TBCD: variants seen among roughly 807,000 people sequenced by gnomAD.
TBCD encodes tubulin folding cofactor D.
A neutral mutation model predicts 169.3 loss-of-function variants in TBCD; 105 were observed. The observed-to-expected ratio is 0.62, with a 90% CI of 0.53 to 0.73. The LOEUF is 0.73. TBCD is among the 30% of genes least tolerant of loss of function. TBCD has a pLI of 0.00. For synonymous variants in TBCD, 700 were observed against 643.9 expected (o/e 1.09, Z -1.32); for missense variants, 1,444 against 1,600.1 (o/e 0.90, Z 1.66).
chr17:82,790,642 G>A (rs765334207), intron 7 of TBCD, among the ~76,000 whole-genome samples: 1 of 152,160 alleles, frequency 6.6e-6, no homozygotes, highest in Non-Finnish European at 1.5e-5. Flanking sequence ...GCACCCTGCC[G>A]CCCCCAGCAT....
rs112523834 is a variant in TBCD at position 82,846,206 on chromosome 17, C to T, written c.1319-24018C>T. Among the ~76,000 whole-genome samples the T allele has an allele frequency of 2.1e-3, 323 of 152,078 alleles. 6 individuals are homozygous for T. Among genetic ancestry groups the T allele is most frequent in the Middle Eastern group, 0.014 (4 of 294 alleles). ...TGTGCCTCCCTCCACGTGCTGCGTC[C>T]GGCATGCCACGTCCCCTCGTCCAGC... On this transcript the variant is annotated intron_variant, in intron 13 of 38. Transcript: ENST00000355528.
At chr17:82,873,451 A>C (rs1160741239) in intron 14 of TBCD, among the ~76,000 whole-genome samples, 1 of 152,134 alleles carries the variant, frequency 6.6e-6, no homozygotes, top group Non-Finnish European at 1.5e-5. Flanking sequence ...ATCCCACTGG[A>C]GGGTGACTGT....
intron 2 of TBCD, among the ~76,000 whole-genome samples, chr17:82,758,063 A>C (rs2047498756): frequency 6.6e-6 from 1 of 152,128 alleles, no homozygotes; most frequent in Non-Finnish European, 1.5e-5. Flanking sequence ...GAGTACTGCG[A>C]ATGATTTTTA....
chr17:82,774,501 C>T (rs1050738569), intron 6 of TBCD, among the ~76,000 whole-genome samples: 5 of 152,222 alleles, frequency 3.3e-5, no homozygotes. Context: ...CCCCACATTT[C>T]CCCCTTTTCT....
At chr17:82,852,546 G>A (rs2055887778) in intron 13 of TBCD, among the ~76,000 whole-genome samples, 1 of 152,172 alleles carries the variant, frequency 6.6e-6, no homozygotes, top group Admixed American at 6.5e-5. Context: ...TCGCCGTTCG[G>A]TCTGTGTCTT....
Position 82,889,575 on chromosome 17 carries a change from G to T in TBCD, c.1534-93G>T. The T allele has an allele frequency of 2.0e-6, 3 of 1,473,116 alleles. No homozygotes were observed. Among genetic ancestry groups the T allele is most frequent in the Non-Finnish European group, 2.8e-6 (3 of 1,058,558 alleles). The allele number at this position is 1,473,116 out of a possible 1,614,324, so 91.3% of individuals were successfully genotyped here. A position where few individuals can be genotyped will look rare whatever the true frequency, so the allele number is the denominator to read the frequency against. ...TTTTATTTAAAAAATAAAGCCGTGGGTCATTCACGTTGTGCTGTTTGTTCT... is the reference window on the plus strand; with the variant it reads ...TTTTATTTAAAAAATAAAGCCGTGGTTCATTCACGTTGTGCTGTTTGTTCT... On this transcript the variant is annotated intron_variant, in intron 15 of 38. Coordinates refer to ENST00000355528, the MANE Select transcript of TBCD (RefSeq NM_005993.5). The surrounding 1 kb of genome is among the most constrained non-coding windows in gnomAD (Gnocchi z 5.3).
At chr17:82,909,809 AG>A (rs1485536070) in intron 22 of TBCD, among the ~76,000 whole-genome samples, 1 of 152,198 alleles carries the variant, frequency 6.6e-6, no homozygotes, top group Non-Finnish European at 1.5e-5. Context: ...GGTCATAGGC[AG>A]GGGTGTGGCC....
intron 1 of TBCD, among the ~76,000 whole-genome samples, chr17:82,755,367 G>A (rs536250491): frequency 5.3e-5 from 8 of 152,314 alleles, no homozygotes; most frequent in Non-Finnish European, 1.0e-4. Flanking sequence ...ACCTAGAAAA[G>A]GAAGGGATTC....
chr17:82,929,235 TGC>T lies in TBCD; in HGVS notation c.2817_2818del (p.His941ProfsTer66). On this transcript the variant is annotated frameshift_variant, in exon 31 of 39. Coordinates refer to ENST00000355528, the MANE Select transcript of TBCD (RefSeq NM_005993.5). LOFTEE classifies it high-confidence loss of function. Reference sequence around the variant, plus strand: ...TTTGACAGCCCTCCCATCCCCCACGTGCCCCACCGAGGAGAACTGGAAAAGCT... The same window carrying T: ...TTTGACAGCCCTCCCATCCCCCACGTCCCACCGAGGAGAACTGGAAAAGCT... The T allele has an allele frequency of 6.2e-7, 1 of 1,613,866 alleles. No homozygotes were observed. Among genetic ancestry groups the T allele is most frequent in the Non-Finnish European group, 8.5e-7 (1 of 1,179,862 alleles).
chr17:82,825,747 C>G (rs1054678647), intron 13 of TBCD, among the ~76,000 whole-genome samples: 4 of 152,336 alleles, frequency 2.6e-5, no homozygotes, highest in Admixed American at 1.3e-4. Flanking sequence ...AAAACTATTG[C>G]GTCACTCATC....
At chr17:82,849,658 C>A (rs146225926) in intron 13 of TBCD, among the ~76,000 whole-genome samples, 2 of 152,356 alleles carry the variant, frequency 1.3e-5, no homozygotes, top group African/African-American at 4.8e-5. Context: ...CGTGGTCGCC[C>A]CGGGGGTGGG....
chr17:82,899,250 G>T lies in TBCD; in HGVS notation c.1650-1401G>T, dbSNP rs576740335. Among the ~76,000 whole-genome samples the T allele has an allele frequency of 9.0e-5, 13 of 145,050 alleles. 1 individual carries two copies. The East Asian group carries it at 2.6e-3, about 29-fold the overall frequency. On this transcript the variant is annotated intron_variant, in intron 17 of 38. Coordinates refer to ENST00000355528, the MANE Select transcript of TBCD (RefSeq NM_005993.5). ...TCCTCAGCGCATGTCCTCAGCGCAC[G>T]TGTCCTCAGCGTGCGTGTCCTCAGC...
At chr17:82,753,874 T>G (rs1254029077) in intron 1 of TBCD, among the ~76,000 whole-genome samples, 1 of 150,778 alleles carries the variant, frequency 6.6e-6, no homozygotes, top group African/African-American at 2.4e-5. Flanking sequence ...AGAGGTTTTT[T>G]TTTTTTTTTT....
Position 82,920,986 on chromosome 17 carries a change from C to T in TBCD, c.2101+368C>T. 1 of 290,084 alleles carries T rather than the reference C, an allele frequency of 3.4e-6. No homozygotes were observed. The highest frequency in any genetic ancestry group is 6.4e-6 in the Non-Finnish European group (1 of 155,586). 18.0% of individuals were successfully genotyped at this position (290,084 alleles called of 1,614,324 possible). ...CCGCCGACACCACGGACCCTGTGGG[C>T]AGAGGCGGCTCCAGTTCCTCAGCAG... On this transcript the variant is annotated intron_variant, in intron 24 of 38. Coordinates refer to ENST00000355528, the MANE Select transcript of TBCD (RefSeq NM_005993.5). This position sits in a 1 kb window ranked among gnomAD's most constrained non-coding sequence, Gnocchi z 4.1.
intron 34 of TBCD, among the ~76,000 whole-genome samples, chr17:82,933,271 G>GTCT (rs2062359039): frequency 1.2e-5 from 1 of 81,606 alleles, no homozygotes. Context: ...TGTTGGGCCA[G>GTCT]TCTTTTTTTT....
chr17:82,871,877 C>T (rs2057590512), intron 14 of TBCD, among the ~76,000 whole-genome samples: 1 of 152,228 alleles, frequency 6.6e-6, no homozygotes, highest in Non-Finnish European at 1.5e-5. Context: ...CCTCACGCAC[C>T]CGGGTGTAAG....
intron 26 of TBCD, 133 bp from the exon 27 acceptor site, chr17:82,924,806 G>C (rs763371383): frequency 9.2e-6 from 6 of 652,896 alleles, no homozygotes; most frequent in Non-Finnish European, 1.5e-5. Context: ...TTGGAAACGT[G>C]TCTGCTTTGG....
chr17:82,877,235 AG>A (rs1162066291), intron 14 of TBCD, among the ~76,000 whole-genome samples: 1 of 152,118 alleles, frequency 6.6e-6, no homozygotes, highest in Non-Finnish European at 1.5e-5. Context: ...GTGGCTTTAC[AG>A]GTTTCAAAAA....
chr17:82,933,524 C>T (rs1338762554), intron 34 of TBCD, among the ~76,000 whole-genome samples: 1 of 151,952 alleles, frequency 6.6e-6, no homozygotes, highest in Non-Finnish European at 1.5e-5. Context: ...GCTAGGATTA[C>T]AGGTGTGAGC....
Sources: allele counts gnomAD v4.1 joint callset (sites outside exome capture counted in the v4.1 genomes callset), GRCh38; gene constraint gnomAD v4.1.1; non-coding constraint Gnocchi (gnomAD v3.1); transcripts MANE v1.5; gene names NCBI Gene and HGNC (gene_info 2026-07-23, HGNC 2026-07-21).